PLPP3: variants seen among roughly 807,000 people sequenced by gnomAD.
PLPP3 encodes PAP2 beta.
A neutral mutation model predicts 29.6 loss-of-function variants in PLPP3; 6 were observed. The observed-to-expected ratio is 0.20, with a 90% CI of 0.11 to 0.40. The LOEUF (loss-of-function observed/expected upper bound fraction) is 0.40. Among genes scored for constraint, PLPP3 ranks in the 10% least tolerant of loss-of-function variants. PLPP3 has a pLI of 1.00. For synonymous variants in PLPP3, 152 were observed against 159.7 expected (o/e 0.95, Z 0.36); for missense variants, 308 against 407.7 (o/e 0.76, Z 2.11).
intron 5 of PLPP3, among the ~76,000 whole-genome samples, chr1:56,502,186 G>T (rs1243562168): frequency 1.3e-5 from 2 of 152,110 alleles, no homozygotes; most frequent in African/African-American, 2.4e-5. Context: ...TGTTAATTTT[G>T]TTAAGGGCAG....
intron 1 of PLPP3, among the ~76,000 whole-genome samples, chr1:56,555,284 C>G (rs1276308750): frequency 2.0e-5 from 3 of 151,350 alleles, no homozygotes; most frequent in African/African-American, 7.3e-5. Context: ...TTTATCTGTC[C>G]CCTGCACATG....
intron 4 of PLPP3, among the ~76,000 whole-genome samples, chr1:56,515,800 C>T (rs1354059748): frequency 6.6e-6 from 1 of 152,070 alleles, no homozygotes; most frequent in Non-Finnish European, 1.5e-5. Context: ...GTACAATAGC[C>T]CTGATTCCAG....
intron 1 of PLPP3, among the ~76,000 whole-genome samples, chr1:56,555,042 A>G (rs1055330654): frequency 6.6e-6 from 1 of 152,138 alleles, no homozygotes; most frequent in African/African-American, 2.4e-5. Flanking sequence ...TTCAAATGTT[A>G]TTTTGTATTC....
chr1:56,517,567 CT>C (rs1645789956), intron 4 of PLPP3, among the ~76,000 whole-genome samples: 3 of 152,210 alleles, frequency 2.0e-5, no homozygotes, highest in Non-Finnish European at 4.4e-5. Flanking sequence ...GAAATCAAGG[CT>C]AAAAGAAGCC....
intron 1 of PLPP3, among the ~76,000 whole-genome samples, chr1:56,550,928 T>A (rs150277937): frequency 6.6e-6 from 1 of 152,098 alleles, no homozygotes; most frequent in Non-Finnish European, 1.5e-5. Flanking sequence ...TGGAATCTAA[T>A]TGGAAGGACA....
chr1:56,553,849 G>A (rs576760610), intron 1 of PLPP3, among the ~76,000 whole-genome samples: 1 of 152,232 alleles, frequency 6.6e-6, no homozygotes, highest in African/African-American at 2.4e-5. Flanking sequence ...CAGTGATGTG[G>A]GAGGAATAAA....
At chr1:56,572,809 C>T (rs1237310902) in intron 1 of PLPP3, among the ~76,000 whole-genome samples, 4 of 152,114 alleles carry the variant, frequency 2.6e-5, no homozygotes, top group South Asian at 2.1e-4. Flanking sequence ...ATAATGATAA[C>T]GTGATTTTGA....
At chr1:56,503,903 G>A (rs911767746) in intron 5 of PLPP3, among the ~76,000 whole-genome samples, 4 of 152,140 alleles carry the variant, frequency 2.6e-5, no homozygotes, top group Admixed American at 1.3e-4. Flanking sequence ...CTCAGCCTCC[G>A]AGTAGCTGGG....
intron 1 of PLPP3, among the ~76,000 whole-genome samples, chr1:56,574,575 A>G (rs1646223175): frequency 6.6e-6 from 1 of 152,144 alleles, no homozygotes; most frequent in Admixed American, 6.5e-5. Context: ...CTTTATTTTA[A>G]TCTACGAAGG....
intron 1 of PLPP3, among the ~76,000 whole-genome samples, chr1:56,543,668 A>G (rs996748442): frequency 6.6e-6 from 1 of 152,240 alleles, no homozygotes; most frequent in Admixed American, 6.5e-5. Flanking sequence ...GACACAATCC[A>G]GATGAGACAA....
chr1:56,544,423 C>A (rs901038469), intron 1 of PLPP3, among the ~76,000 whole-genome samples: 1 of 152,170 alleles, frequency 6.6e-6, no homozygotes, highest in Non-Finnish European at 1.5e-5. Context: ...TCCTTCCATC[C>A]CAGGTAAAGC....
At chr1:56,557,336 C>G in intron 1 of PLPP3, among the ~76,000 whole-genome samples, 1 of 151,374 alleles carries the variant, frequency 6.6e-6, no homozygotes, top group Non-Finnish European at 1.5e-5. Flanking sequence ...CAAAGACGCA[C>G]CACTGCACTC....
intron 1 of PLPP3, among the ~76,000 whole-genome samples, chr1:56,565,550 A>G (rs1646156202): frequency 6.6e-6 from 1 of 151,952 alleles, no homozygotes; most frequent in Admixed American, 6.6e-5. Context: ...CCTCCCGAGT[A>G]GCTGGGATTA....
At chr1:56,563,107 G>A (rs1386419341) in intron 1 of PLPP3, among the ~76,000 whole-genome samples, 1 of 152,166 alleles carries the variant, frequency 6.6e-6, no homozygotes, top group African/African-American at 2.4e-5. Context: ...TTCCTGCTCT[G>A]CATTCTAAGT....
chr1:56,518,715 T>TATATATATATATATA (rs1645798825), intron 4 of PLPP3, among the ~76,000 whole-genome samples: 2 of 126,668 alleles, frequency 1.6e-5, no homozygotes, highest in African/African-American at 2.8e-5. Flanking sequence ...TTTTAATCAT[T>TATATATATATATATA]TATATATATA....
chr1:56,528,042 A>G (rs1156508632), intron 2 of PLPP3, among the ~76,000 whole-genome samples: 2 of 152,076 alleles, frequency 1.3e-5, no homozygotes, highest in African/African-American at 2.4e-5. Flanking sequence ...TCAGTCAGCA[A>G]GGTTCTGATA....
chr1:56,524,806 A>ATGTG lies in PLPP3; in HGVS notation c.298-256_298-253dup, dbSNP rs3835682. ...AATATATTTATATGTATATATGTGT[A>ATGTG]TGTGTGTGTGTGTGTGTGTGTGTGT... On this transcript the variant is annotated intron_variant, in intron 2 of 5. Transcript: ENST00000371250. This position sits in a 1 kb window ranked among gnomAD's most constrained non-coding sequence, Gnocchi z 4.3. Among the ~76,000 whole-genome samples, 531 of 148,256 alleles carry ATGTG rather than the reference A, an allele frequency of 3.6e-3. 2 individuals are homozygous for ATGTG. Among genetic ancestry groups the ATGTG allele is most frequent in the African/African-American group, 0.012 (492 of 40,270 alleles).
intron 2 of PLPP3, among the ~76,000 whole-genome samples, chr1:56,525,139 T>C (rs1022409304): frequency 2.6e-5 from 4 of 152,196 alleles, no homozygotes; most frequent in African/African-American, 9.7e-5. Context: ...CCTCCAAGCT[T>C]TGGCCTTCTG....
intron 1 of PLPP3, among the ~76,000 whole-genome samples, chr1:56,544,821 T>C (rs1209085903): frequency 1.3e-5 from 2 of 152,208 alleles, no homozygotes; most frequent in Admixed American, 1.3e-4. Flanking sequence ...CCAAGGCTCC[T>C]CTTTAGATGT....
Sources: allele counts gnomAD v4.1 joint callset (sites outside exome capture counted in the v4.1 genomes callset), GRCh38; gene constraint gnomAD v4.1.1; non-coding constraint Gnocchi (gnomAD v3.1); transcripts MANE v1.5; gene names NCBI Gene and HGNC (gene_info 2026-07-23, HGNC 2026-07-21).